Variants in LRRC4C observed in about 807,000 individuals in gnomAD.
LRRC4C encodes leucine rich repeat containing 4C.
A neutral mutation model predicts 33.6 loss-of-function variants in LRRC4C; 5 were observed. That is an observed-to-expected ratio of 0.15 (90% CI 0.08 to 0.31). The LOEUF (loss-of-function observed/expected upper bound fraction) is 0.31, where lower values mean the gene tolerates loss of function less well. Among genes scored for constraint, LRRC4C ranks in the 10% least tolerant of loss-of-function variants. The pLI is 1.00. For synonymous variants in LRRC4C, 329 were observed against 302.0 expected (o/e 1.09, Z -0.93); for missense variants, 560 against 796.7 (o/e 0.70, Z 3.58).
intron 6 of LRRC4C, among the ~76,000 whole-genome samples, chr11:40,136,803 G>A (rs1294199897): frequency 6.6e-6 from 1 of 152,154 alleles, no homozygotes; most frequent in East Asian, 1.9e-4. Flanking sequence ...CTTGCCTGTA[G>A]CACCATTACT....
intron 1 of LRRC4C, among the ~76,000 whole-genome samples, chr11:41,134,779 G>A (rs1943181526): frequency 6.6e-6 from 1 of 152,028 alleles, no homozygotes; most frequent in South Asian, 2.1e-4. Context: ...CAAAATAAAG[G>A]CATATTCTGA....
At chr11:40,746,511 A>G (rs1948429194) in intron 2 of LRRC4C, among the ~76,000 whole-genome samples, 1 of 152,176 alleles carries the variant, frequency 6.6e-6, no homozygotes, top group Non-Finnish European at 1.5e-5. Flanking sequence ...TTGCCTAGTC[A>G]GCACTGCCCC....
intron 2 of LRRC4C, among the ~76,000 whole-genome samples, chr11:40,917,160 G>A (rs916388289): frequency 2.6e-5 from 4 of 152,050 alleles, no homozygotes; most frequent in Admixed American, 2.6e-4. Flanking sequence ...TCAACAGGAG[G>A]TTAAATTTTC....
At chr11:41,358,654 G>T (rs1289911059) in intron 1 of LRRC4C, among the ~76,000 whole-genome samples, 1 of 152,124 alleles carries the variant, frequency 6.6e-6, no homozygotes, top group African/African-American at 2.4e-5. Flanking sequence ...TGCCATCAGA[G>T]AAATGCAAAT....
intron 3 of LRRC4C, among the ~76,000 whole-genome samples, chr11:40,485,478 T>C (rs573261597): frequency 6.6e-6 from 1 of 151,956 alleles, no homozygotes; most frequent in Non-Finnish European, 1.5e-5. Flanking sequence ...AATATATTAA[T>C]AGTAGAGAAA....
At chr11:40,669,629 A>T (rs1254098243) in intron 2 of LRRC4C, among the ~76,000 whole-genome samples, 1 of 152,100 alleles carries the variant, frequency 6.6e-6, no homozygotes, top group Non-Finnish European at 1.5e-5. Flanking sequence ...ACTAAACAAG[A>T]CCCTCCGTTG....
chr11:41,293,389 G>A (rs924566618), intron 1 of LRRC4C, among the ~76,000 whole-genome samples: 33 of 151,888 alleles, frequency 2.2e-4, no homozygotes, highest in Non-Finnish European at 4.4e-4. Flanking sequence ...ATATACATAC[G>A]GTAAGAATTT....
At chr11:40,768,134 C>T (rs1232059806) in intron 2 of LRRC4C, among the ~76,000 whole-genome samples, 1 of 151,768 alleles carries the variant, frequency 6.6e-6, no homozygotes, top group Non-Finnish European at 1.5e-5. Context: ...ATAAAGGAGA[C>T]ATTACAAATG....
chr11:41,450,717 T>G (rs1374231300), intron 1 of LRRC4C, among the ~76,000 whole-genome samples: 5 of 152,110 alleles, frequency 3.3e-5, no homozygotes, highest in East Asian at 3.9e-4. Flanking sequence ...TTTTGTGGGT[T>G]TTTACAAGGC....
chr11:40,836,933 C>T (rs1048598782), intron 2 of LRRC4C, among the ~76,000 whole-genome samples: 1 of 152,120 alleles, frequency 6.6e-6, no homozygotes, highest in Non-Finnish European at 1.5e-5. Flanking sequence ...CTCAACATCA[C>T]AGGACAATCA....
At chr11:40,464,735 A>G (rs912932918) in intron 3 of LRRC4C, among the ~76,000 whole-genome samples, 2 of 151,984 alleles carry the variant, frequency 1.3e-5, no homozygotes, top group African/African-American at 4.8e-5. Flanking sequence ...AATAGCTACC[A>G]GTAAACAAAT....
rs137912340 is a variant in LRRC4C, at chr11:40,505,929, C to T, written c.-270+142213G>A. Among the ~76,000 whole-genome samples the T allele has an allele frequency of 9.2e-5, 14 of 152,000 alleles. No individual in the cohort carries two copies. The East Asian group carries it at 2.3e-3, about 25-fold the overall frequency. On this transcript the variant is annotated intron_variant, in intron 3 of 6. Coordinates refer to ENST00000528697, the MANE Select transcript of LRRC4C (RefSeq NM_001258419.2). ...TTTTTTTCTAATTTCTTTATCTACACATGGAAATGTAGCCTTAGAATTTCA... is the reference window on the plus strand; with the variant it reads ...TTTTTTTCTAATTTCTTTATCTACATATGGAAATGTAGCCTTAGAATTTCA...
At chr11:41,230,906 CA>C (rs200070136) in intron 1 of LRRC4C, among the ~76,000 whole-genome samples, 5,799 of 104,634 alleles carry the variant, frequency 0.055, 121 homozygotes, top group South Asian at 0.067. Context: ...AACAAATTTA[CA>C]AAAAAAAAAA....
At chr11:40,934,843 T>A (rs1328829005) in intron 1 of LRRC4C, among the ~76,000 whole-genome samples, 1 of 152,148 alleles carries the variant, frequency 6.6e-6, no homozygotes, top group Non-Finnish European at 1.5e-5. Context: ...ACATTTAGAG[T>A]GCTAATAAGC....
intron 3 of LRRC4C, among the ~76,000 whole-genome samples, chr11:40,496,877 T>G (rs2138578492): frequency 6.6e-6 from 1 of 152,282 alleles, no homozygotes; most frequent in South Asian, 2.1e-4. Flanking sequence ...AAGTTCAGTT[T>G]CCTAACCAAT....
chr11:40,466,784 A>G lies in LRRC4C; in HGVS notation c.-269-147063T>C, dbSNP rs1029771747. On this transcript the variant is annotated intron_variant, in intron 3 of 6. Transcript: ENST00000528697. ...CAAAGAAAGGATATTTTACTGTTACATTCATCAAGAAAATCTAAGTAATTT... is the reference window on the plus strand; with the variant it reads ...CAAAGAAAGGATATTTTACTGTTACGTTCATCAAGAAAATCTAAGTAATTT... Among the ~76,000 whole-genome samples the G allele has an allele frequency of 8.3e-4, 126 of 152,142 alleles. 1 individual carries two copies. The highest frequency in any genetic ancestry group is 2.8e-3 in the African/African-American group (115 of 41,562).
At chr11:40,328,359 G>A (rs1040214080) in intron 3 of LRRC4C, among the ~76,000 whole-genome samples, 3 of 152,104 alleles carry the variant, frequency 2.0e-5, no homozygotes, top group African/African-American at 7.2e-5. Context: ...ATCACCTGAA[G>A]TAAAAAGAAA....
At chr11:41,458,547 G>T (rs893274016) in intron 1 of LRRC4C, among the ~76,000 whole-genome samples, 6 of 138,996 alleles carry the variant, frequency 4.3e-5, no homozygotes, top group Non-Finnish European at 6.2e-5. Flanking sequence ...AGCGTGGTGG[G>T]GGGGAGGGGG....
chr11:40,809,745 G>A (rs1951407340), intron 2 of LRRC4C, among the ~76,000 whole-genome samples: 1 of 152,100 alleles, frequency 6.6e-6, no homozygotes, highest in African/African-American at 2.4e-5. Context: ...TCTCTATATT[G>A]CCAGATCCTG....
Sources: allele counts gnomAD v4.1 joint callset (sites outside exome capture counted in the v4.1 genomes callset), GRCh38; gene constraint gnomAD v4.1.1; transcripts MANE v1.5; gene names NCBI Gene and HGNC (gene_info 2026-07-23, HGNC 2026-07-21).